Variants in TET3 observed in about 807,000 individuals in gnomAD.
The protein encoded by TET3 is methylcytosine dioxygenase TET3.
In TET3, 19 loss-of-function variants were observed where a neutral mutation model predicts 141.4. The ratio of observed to expected loss-of-function variants is 0.13; its 90% confidence interval spans 0.09 to 0.20. The LOEUF is 0.20. Among genes scored for constraint, TET3 ranks in the 10% least tolerant of loss-of-function variants. The pLI, the probability that TET3 is intolerant of heterozygous loss-of-function variation, is 1.00. For missense variants in TET3, 1,874 were observed against 2,356.9 expected, an observed-to-expected ratio of 0.80 and a Z score of 4.24; for synonymous variants, 1,043 against 980.9, an observed-to-expected ratio of 1.06 and a Z score of -1.18.
chr2:73,992,342 C>CT (rs1031175540), intron 2 of TET3, among the ~76,000 whole-genome samples: 2 of 101,404 alleles, frequency 2.0e-5, no homozygotes, highest in Non-Finnish European at 3.7e-5. Flanking sequence ...GAGATGGAGT[C>CT]TCGCTCTGTT....
chr2:74,049,893 G>C (rs997877406), intron 4 of TET3, among the ~76,000 whole-genome samples: 3 of 152,110 alleles, frequency 2.0e-5, no homozygotes, highest in Non-Finnish European at 4.4e-5. Context: ...GCTCCTAGAT[G>C]ATGGTTCCCA....
At chr2:73,996,743 A>G (rs1239433793) in intron 2 of TET3, among the ~76,000 whole-genome samples, 1 of 152,222 alleles carries the variant, frequency 6.6e-6, no homozygotes, top group Non-Finnish European at 1.5e-5. Flanking sequence ...CCTGGACCTC[A>G]GGTGATCTGC....
intron 3 of TET3, among the ~76,000 whole-genome samples, chr2:74,041,007 A>C (rs11898903): frequency 6.6e-6 from 1 of 151,970 alleles, no homozygotes. Context: ...TGAGGCTTCA[A>C]AAGGGCTAAA....
intron 3 of TET3, among the ~76,000 whole-genome samples, chr2:74,023,072 G>A (rs955938185): frequency 1.3e-4 from 19 of 151,276 alleles, no homozygotes; most frequent in African/African-American, 4.4e-4. Flanking sequence ...CACTGCGCAC[G>A]GCCTTATTCT....
chr2:74,044,437 T>C (rs75419431), intron 3 of TET3, among the ~76,000 whole-genome samples: 48 of 152,330 alleles, frequency 3.2e-4, no homozygotes, highest in African/African-American at 1.1e-3. Context: ...ATTGAGTACA[T>C]GATGTTCCTC....
chr2:74,065,224 A>G (rs573508132), intron 4 of TET3, among the ~76,000 whole-genome samples: 1 of 152,366 alleles, frequency 6.6e-6, no homozygotes, highest in South Asian at 2.1e-4. Context: ...TAAAATGAAA[A>G]TGAAGTGAAT....
intron 3 of TET3, among the ~76,000 whole-genome samples, chr2:74,019,409 C>T (rs945187353): frequency 2.0e-5 from 3 of 152,104 alleles, no homozygotes; most frequent in African/African-American, 7.2e-5. Context: ...CATCTTTGCC[C>T]GCATATTAGA....
Position 74,102,024 on chromosome 2 carries a change from TG to T in TET3, c.5243del (p.Gly1748AlafsTer106). 3 of 1,571,768 alleles carry T rather than the reference TG, an allele frequency of 1.9e-6. No homozygotes were observed. Among genetic ancestry groups the T allele is most frequent in the Non-Finnish European group, 1.7e-6 (2 of 1,157,242 alleles). The stretch of plus-strand genomic sequence containing the variant: ...CAAGCTCTACGGGAAGAAGCGCAAG[TG>T]GGGGGGCACTGTGGTTGCTGAGCCC... ...EAKLYGKKRKWGGTVVAEPQQ... is the reference protein window; with the variant it reads ...EAKLYGKKRKXGGTVVAEPQQ... On this transcript the variant is annotated frameshift_variant, in exon 12 of 12. Transcript: ENST00000409262. LOFTEE classifies it high-confidence loss of function.
intron 3 of TET3, among the ~76,000 whole-genome samples, chr2:74,037,348 T>C (rs1687125342): frequency 6.6e-6 from 1 of 152,094 alleles, no homozygotes; most frequent in East Asian, 1.9e-4. Flanking sequence ...TTAGAGAGAG[T>C]GGGGCCATCC....
chr2:74,054,158 G>A (rs1688095581), intron 4 of TET3, among the ~76,000 whole-genome samples: 1 of 152,156 alleles, frequency 6.6e-6, no homozygotes, highest in Admixed American at 6.5e-5. Context: ...TGAAAGATTG[G>A]GAGTGGCTGG....
chr2:74,039,844 G>A (rs1034276530), intron 3 of TET3, among the ~76,000 whole-genome samples: 2 of 152,182 alleles, frequency 1.3e-5, no homozygotes, highest in African/African-American at 2.4e-5. Flanking sequence ...ACAGCATGGT[G>A]ACTGGGCTCC....
chr2:74,037,569 C>A (rs984697123), intron 3 of TET3, among the ~76,000 whole-genome samples: 2 of 152,156 alleles, frequency 1.3e-5, no homozygotes, highest in Non-Finnish European at 2.9e-5. Context: ...TCTTGGAGTC[C>A]CATGAGAATT....
At chr2:74,098,595 T>A (rs1446767067) in intron 10 of TET3, among the ~76,000 whole-genome samples, 1 of 132,250 alleles carries the variant, frequency 7.6e-6, no homozygotes, top group East Asian at 2.1e-4. Context: ...AAAAGGAAAC[T>A]CTTTTTTTTT....
In TET3 at chr2:74,047,810, G is replaced by C. The variant is rs1326387232; in HGVS notation, c.1893G>C (p.Gly631=). 2.5e-6 allele frequency: 4 copies of C among 1,613,418 alleles called. No individual in the cohort carries two copies. The South Asian group carries it at 4.4e-5, about 18-fold the overall frequency. Residue 631 remains glycine, a synonymous_variant, in exon 4 of 12, where the codon GGG becomes GGC. Transcript: ENST00000409262. The stretch of plus-strand genomic sequence containing the variant: ...CTGTCCGACAGATTGTCCTGGAAGG[G>C]CTTAGGTCCCCAGCCTCCCAGGAAG... The part of the protein sequence containing the change: ...FPPVRQIVLE[G]LRSPASQEVQ...
At chr2:74,010,615 A>G (rs1418526431) in intron 3 of TET3, among the ~76,000 whole-genome samples, 3 of 152,232 alleles carry the variant, frequency 2.0e-5, no homozygotes, top group Non-Finnish European at 4.4e-5. Context: ...ATTGGTCTCC[A>G]GTGGAACCTG....
In TET3 at chr2:74,093,948, G is replaced by T. The variant is rs7585240; in HGVS notation, c.3267+282G>T. 0.22 allele frequency among the ~76,000 whole-genome samples: 32,873 copies of T among 152,156 alleles called. 3,662 individuals are homozygous for T. Among genetic ancestry groups the T allele is most frequent in the Non-Finnish European group, 0.25 (16,999 of 67,972 alleles). On this transcript the variant is annotated intron_variant, in intron 10 of 11. Coordinates refer to ENST00000409262, the MANE Select transcript of TET3 (RefSeq NM_001287491.2). This position sits in a 1 kb window ranked among gnomAD's most constrained non-coding sequence, Gnocchi z 4.2. ...CCTGGAGTGCCCAGTTATCTAAAGC[G>T]TGGGCCCCGGTCTCTGTGGACACTT...
chr2:74,127,036 A>C, the TET3 span, among the ~76,000 whole-genome samples: 2 of 152,218 alleles, frequency 1.3e-5, no homozygotes, highest in Non-Finnish European at 2.9e-5. Context: ...ATTGAAGCAC[A>C]CACCAGAGAA....
chr2:74,067,341 G>A (rs1688959469), intron 4 of TET3, among the ~76,000 whole-genome samples: 1 of 152,222 alleles, frequency 6.6e-6, no homozygotes, highest in African/African-American at 2.4e-5. Flanking sequence ...CATAAAGGTT[G>A]TGTAATTTGC....
the TET3 span, among the ~76,000 whole-genome samples, chr2:74,123,773 G>T: frequency 6.6e-6 from 1 of 151,678 alleles, no homozygotes; most frequent in Non-Finnish European, 1.5e-5. Context: ...TGGGAAGTGA[G>T]GAGCGCCTCT....
Sources: allele counts gnomAD v4.1 joint callset (sites outside exome capture counted in the v4.1 genomes callset), GRCh38; gene constraint gnomAD v4.1.1; non-coding constraint Gnocchi (gnomAD v3.1); transcripts MANE v1.5; gene names NCBI Gene and HGNC (gene_info 2026-07-23, HGNC 2026-07-21).